DCT: variants seen among roughly 807,000 people sequenced by gnomAD.
DCT encodes L-dopachrome tautomerase.
Under a neutral mutation model 53.0 loss-of-function variants are expected in DCT, and 47 were observed. The ratio of observed to expected loss-of-function variants is 0.89; its 90% CI spans 0.70 to 1.13. The LOEUF is 1.13. Ranked by LOEUF, DCT falls within the 50% of genes most tolerant of loss-of-function variation. The probability of loss-of-function intolerance (pLI) is 0.00; values close to 1 mark genes in which losing one functional copy is unlikely to be tolerated. For synonymous variants in DCT, 244 were observed against 237.0 expected, an observed-to-expected ratio of 1.03 and a Z score of -0.27; for missense variants, 669 against 637.4, an observed-to-expected ratio of 1.05 and a Z score of -0.53.
chr13:94,471,907 G>A (rs1884670176), intron 1 of DCT, among the ~76,000 whole-genome samples: 1 of 152,062 alleles, frequency 6.6e-6, no homozygotes, highest in African/African-American at 2.4e-5. Flanking sequence ...TGTTGCTAGT[G>A]GAAGATTGCA....
the DCT span, among the ~76,000 whole-genome samples, chr13:94,547,280 C>T: frequency 6.6e-6 from 1 of 151,954 alleles, no homozygotes; most frequent in Non-Finnish European, 1.5e-5. Context: ...CCACGCCCAG[C>T]TCATTTTTGT....
upstream of DCT, among the ~76,000 whole-genome samples, chr13:94,483,484 AT>A (rs1305506322): frequency 1.4e-5 from 2 of 138,574 alleles, no homozygotes; most frequent in Non-Finnish European, 3.1e-5. Flanking sequence ...ATTCCTTTTC[AT>A]TTTCTTTCAT....
At chr13:94,483,185 G>T (rs987449520), upstream of DCT, among the ~76,000 whole-genome samples, 5 of 151,174 alleles carry the variant, frequency 3.3e-5, no homozygotes, top group Admixed American at 2.7e-4. Context: ...GAGGCAGGAG[G>T]ATTTCTTGAG....
intron 2 of DCT, chr13:94,468,389 A>T (rs1206892280): frequency 4.6e-6 from 1 of 216,252 alleles, no homozygotes; most frequent in African/African-American, 2.3e-5. Flanking sequence ...AAAAGGTCAG[A>T]GAGGGCTTCC....
chr13:94,437,135 T>C lies in DCT; in HGVS notation c.*2763A>G, dbSNP rs1221104231. 2 of 152,182 alleles carry C rather than the reference T, an allele frequency of 1.3e-5. No individual in the cohort carries two copies. Among genetic ancestry groups the C allele is most frequent in the African/African-American group, 2.4e-5 (1 of 41,448 alleles). The allele number at this position is 152,182 out of a possible 1,614,324, so 9.4% of individuals were successfully genotyped here. ...AACAGATTCAGAAAATAGCAATTGT[T>C]TGGAAACTCACCAGAAAATAGCATA... is the stretch of plus-strand genomic sequence containing the variant. On this transcript the variant is annotated 3_prime_UTR_variant, in exon 8 of 8. Transcript: ENST00000377028.
intron 7 of DCT, among the ~76,000 whole-genome samples, chr13:94,441,237 T>G (rs145572902): frequency 6.6e-6 from 1 of 152,338 alleles, no homozygotes; most frequent in Non-Finnish European, 1.5e-5. Flanking sequence ...AACTTCATCT[T>G]CTTAAAACAC....
At chr13:94,529,076 C>T in the DCT span, among the ~76,000 whole-genome samples, 1 of 152,140 alleles carries the variant, frequency 6.6e-6, no homozygotes. Context: ...GATCAATTCA[C>T]CAAGAAGAGC....
chr13:94,442,573 G>C (rs555828092), intron 7 of DCT, among the ~76,000 whole-genome samples: 1 of 152,186 alleles, frequency 6.6e-6, no homozygotes, highest in African/African-American at 2.4e-5. Flanking sequence ...GGGCCAAAAA[G>C]AAAAACATGT....
rs530318254 is a variant in DCT, at chr13:94,452,383, CT to C, written c.1179+7707del. 1.1e-3 allele frequency among the ~76,000 whole-genome samples: 168 copies of C among 152,284 alleles called. 1 individual carries two copies. The highest frequency in any genetic ancestry group is 2.1e-3 in the South Asian group (10 of 4,832). ...TGCAAATTAAAATTTGCTAAAATGC[CT>C]TTTCACCTATCACGTTGACAAAGAT... On this transcript the variant is annotated intron_variant, in intron 6 of 7. Coordinates refer to ENST00000377028, the MANE Select transcript of DCT (RefSeq NM_001922.5).
At chr13:94,453,956 C>G (rs1883258449) in intron 6 of DCT, among the ~76,000 whole-genome samples, 1 of 152,156 alleles carries the variant, frequency 6.6e-6, no homozygotes, top group Non-Finnish European at 1.5e-5. Context: ...TAAACTCACT[C>G]TAACTCAGAA....
chr13:94,519,310 C>T, the DCT span, among the ~76,000 whole-genome samples: 2 of 152,286 alleles, frequency 1.3e-5, no homozygotes, highest in South Asian at 2.1e-4. Context: ...GACTCTCCAG[C>T]ACCTAGAACA....
At chr13:94,470,681 T>G (rs1314123945) in intron 1 of DCT, among the ~76,000 whole-genome samples, 1 of 152,166 alleles carries the variant, frequency 6.6e-6, no homozygotes, top group African/African-American at 2.4e-5. Flanking sequence ...CTGAAACACT[T>G]TTCCCTCACT....
intron 1 of DCT, among the ~76,000 whole-genome samples, chr13:94,472,566 A>T (rs1488746630): frequency 0.04 from 712 of 17,626 alleles, 44 homozygotes; most frequent in Middle Eastern, 0.05. Flanking sequence ...ATATATATAT[A>T]TATTTTTTTT....
chr13:94,541,088 T>C, the DCT span, among the ~76,000 whole-genome samples: 9 of 152,086 alleles, frequency 5.9e-5, no homozygotes, highest in Non-Finnish European at 1.0e-4. Context: ...GCTAAAAAAT[T>C]GATGTTATGG....
Position 94,479,437 on chromosome 13 carries a change from TGTACATG to T in DCT, c.-189_-183del. ...CACAGAGGTTACATGTGTGCACATG[TGTACATG>T]AACGTGCACACACAATTTTATGTGA... On this transcript the variant is annotated 5_prime_UTR_variant, in exon 1 of 8. An upstream start codon of the reference 5' UTR is lost. Coordinates refer to ENST00000377028, the MANE Select transcript of DCT (RefSeq NM_001922.5). The T allele has an allele frequency of 1.0e-5, 6 of 592,944 alleles. No homozygotes were observed. Among genetic ancestry groups the T allele is most frequent in the Non-Finnish European group, 1.4e-5 (5 of 348,254 alleles). The allele number at this position is 592,944 out of a possible 1,614,324, so 36.7% of individuals were successfully genotyped here.
rs1881976240 is a variant in DCT at position 94,437,528 on chromosome 13, T to C, written c.*2370A>G. The C allele has an allele frequency of 6.6e-6, 1 of 152,208 alleles. No individual in the cohort carries two copies. The highest frequency in any genetic ancestry group is 6.5e-5 in the Admixed American group (1 of 15,272). 9.4% of individuals were successfully genotyped at this position (152,208 alleles called of 1,614,324 possible). On this transcript the variant is annotated 3_prime_UTR_variant, in exon 8 of 8. Transcript: ENST00000377028. ...ATGTTAGCTTTATAAAAAGCATTTC[T>C]ATTAAAATCATACATGCAGTTTTTC...
At chr13:94,516,392 T>C in the DCT span, among the ~76,000 whole-genome samples, 1 of 152,138 alleles carries the variant, frequency 6.6e-6, no homozygotes. Flanking sequence ...GAAAGTCACA[T>C]GGTTCAAGCT....
the DCT span, among the ~76,000 whole-genome samples, chr13:94,533,520 C>T: frequency 1.3e-5 from 2 of 152,182 alleles, no homozygotes; most frequent in Admixed American, 1.3e-4. Flanking sequence ...CACGGTGGCT[C>T]ACACCTATAA....
chr13:94,488,899 T>C, the DCT span, among the ~76,000 whole-genome samples: 1 of 151,798 alleles, frequency 6.6e-6, no homozygotes, highest in African/African-American at 2.4e-5. Flanking sequence ...CATATATATA[T>C]AGTCAAGAGA....
Sources: allele counts gnomAD v4.1 joint callset (sites outside exome capture counted in the v4.1 genomes callset), GRCh38; gene constraint gnomAD v4.1.1; transcripts MANE v1.5; gene names NCBI Gene and HGNC (gene_info 2026-07-23, HGNC 2026-07-21).